KLHL14: variants seen among roughly 807,000 people sequenced by gnomAD.
KLHL14 encodes kelch like family member 14.
A neutral mutation model predicts 64.3 loss-of-function variants in KLHL14; 22 were observed. The observed-to-expected ratio is 0.34, with a 90% CI of 0.24 to 0.49. KLHL14 has a LOEUF of 0.49. Ranked by LOEUF, KLHL14 falls within the 20% of genes least tolerant of loss-of-function variation. The probability of loss-of-function intolerance (pLI) is 0.99; values close to 1 mark genes in which losing one functional copy is unlikely to be tolerated. For missense variants in KLHL14, 661 were observed against 789.0 expected (o/e 0.84, Z 1.94); for synonymous variants, 322 against 333.4 (o/e 0.97, Z 0.37).
chr18:32,750,609 G>A (rs568054975), intron 2 of KLHL14, among the ~76,000 whole-genome samples: 43 of 152,178 alleles, frequency 2.8e-4, no homozygotes, highest in African/African-American at 9.2e-4. Flanking sequence ...ACTTCTCTTC[G>A]CTGCCAGCTG....
At chr18:32,706,365 G>C (rs2049990298) in intron 3 of KLHL14, among the ~76,000 whole-genome samples, 1 of 152,212 alleles carries the variant, frequency 6.6e-6, no homozygotes. Flanking sequence ...AATCTTGATT[G>C]CTGGGAAAAG....
chr18:32,736,507 G>C (rs1359773852), intron 3 of KLHL14, among the ~76,000 whole-genome samples: 1 of 152,048 alleles, frequency 6.6e-6, no homozygotes, highest in Non-Finnish European at 1.5e-5. Flanking sequence ...ATAATATTTA[G>C]ATCCCTGTTT....
intron 3 of KLHL14, among the ~76,000 whole-genome samples, chr18:32,721,805 C>T (rs8099133): frequency 0.29 from 44,812 of 152,006 alleles, 6,868 homozygotes; most frequent in African/African-American, 0.37. Flanking sequence ...ATAGTGAACC[C>T]GCCTACCTGA....
chr18:32,703,117 AC>A (rs1464298020), intron 3 of KLHL14, among the ~76,000 whole-genome samples: 1 of 151,930 alleles, frequency 6.6e-6, no homozygotes, highest in Non-Finnish European at 1.5e-5. Context: ...TTGGCTTGTC[AC>A]CCCCAAAAGA....
intron 3 of KLHL14, among the ~76,000 whole-genome samples, chr18:32,707,721 T>C (rs1165189530): frequency 6.6e-6 from 1 of 152,232 alleles, no homozygotes; most frequent in Non-Finnish European, 1.5e-5. Context: ...TGGAAATGAA[T>C]GTGTCCCATG....
intron 2 of KLHL14, among the ~76,000 whole-genome samples, chr18:32,760,530 A>G (rs1402875839): frequency 6.6e-6 from 1 of 152,152 alleles, no homozygotes; most frequent in Non-Finnish European, 1.5e-5. Context: ...TAAGGCAGGG[A>G]AGTGAAACCG....
intron 2 of KLHL14, among the ~76,000 whole-genome samples, chr18:32,756,576 G>A (rs1171733616): frequency 6.6e-6 from 1 of 152,160 alleles, no homozygotes; most frequent in Non-Finnish European, 1.5e-5. Context: ...CTGCACAAGA[G>A]GTGTCCCTTT....
chr18:32,763,985 C>T (rs1281146438), intron 2 of KLHL14, among the ~76,000 whole-genome samples: 1 of 152,174 alleles, frequency 6.6e-6, no homozygotes, highest in Non-Finnish European at 1.5e-5. Flanking sequence ...GATCTATACT[C>T]AATCCAGTTG....
rs539916617 is a variant in KLHL14 at position 32,673,957 on chromosome 18, A to C, written c.*700T>G. On this transcript the variant is annotated 3_prime_UTR_variant, in exon 9 of 9. Coordinates refer to ENST00000359358, the MANE Select transcript of KLHL14 (RefSeq NM_020805.3). ...ATAATATATTTTGTTTTAATCTTTC[A>C]GATAAAATTGAGGACACAGAAATGA... is the stretch of plus-strand genomic sequence containing the variant. The C allele has an allele frequency of 2.6e-4, 39 of 152,314 alleles. No homozygotes were observed. The highest frequency in any genetic ancestry group is 9.1e-4 in the African/African-American group (38 of 41,562). 9.4% of individuals were successfully genotyped at this position (152,314 alleles called of 1,614,324 possible).
intron 2 of KLHL14, among the ~76,000 whole-genome samples, chr18:32,747,255 A>G (rs1209982069): frequency 2.6e-5 from 4 of 152,178 alleles, no homozygotes; most frequent in Admixed American, 1.3e-4. Context: ...TCCATGGACC[A>G]GAGGGATGGT....
At chr18:32,699,855 C>T (rs2049955687) in intron 3 of KLHL14, among the ~76,000 whole-genome samples, 1 of 151,682 alleles carries the variant, frequency 6.6e-6, no homozygotes, top group East Asian at 1.9e-4. Context: ...AAGCAGAGTA[C>T]ATTTGTTTTA....
chr18:32,746,591 C>T (rs1256664469), intron 2 of KLHL14, among the ~76,000 whole-genome samples: 1 of 152,176 alleles, frequency 6.6e-6, no homozygotes, highest in East Asian at 1.9e-4. Flanking sequence ...TTCCATGATA[C>T]ATGAGAAAAG....
intron 2 of KLHL14, among the ~76,000 whole-genome samples, chr18:32,752,037 G>A (rs1045204291): frequency 1.3e-5 from 2 of 152,166 alleles, no homozygotes; most frequent in African/African-American, 2.4e-5. Flanking sequence ...TGAGGCGGGA[G>A]AATCACTTGA....
intron 2 of KLHL14, 130 bp from the exon 3 acceptor site, chr18:32,742,179 C>A: frequency 9.2e-7 from 1 of 1,082,288 alleles, no homozygotes; most frequent in Non-Finnish European, 1.3e-6. Context: ...CTGTTTCTTC[C>A]CCCATTCATG....
At chr18:32,705,486 G>A (rs1417525509) in intron 3 of KLHL14, among the ~76,000 whole-genome samples, 1 of 152,230 alleles carries the variant, frequency 6.6e-6, no homozygotes, top group African/African-American at 2.4e-5. Flanking sequence ...ACTTTGGGAG[G>A]CCTAGGCAGG....
intron 3 of KLHL14, among the ~76,000 whole-genome samples, chr18:32,696,325 T>C (rs2049936558): frequency 6.6e-6 from 1 of 152,190 alleles, no homozygotes; most frequent in Admixed American, 6.5e-5. Flanking sequence ...TCTCTGTATT[T>C]GTTCTGATTT....
chr18:32,698,764 A>G (rs1355912507), intron 3 of KLHL14, among the ~76,000 whole-genome samples: 2 of 152,228 alleles, frequency 1.3e-5, no homozygotes, highest in East Asian at 3.9e-4. Context: ...AGAAGAAAAA[A>G]CTTTTCATCA....
intron 2 of KLHL14, among the ~76,000 whole-genome samples, chr18:32,748,466 T>C (rs1246251286): frequency 6.6e-6 from 1 of 151,904 alleles, no homozygotes; most frequent in East Asian, 1.9e-4. Flanking sequence ...GCCTCCCGGG[T>C]TCACGCCATT....
At chr18:32,763,817 C>T (rs2050326898) in intron 2 of KLHL14, among the ~76,000 whole-genome samples, 1 of 152,182 alleles carries the variant, frequency 6.6e-6, no homozygotes. Flanking sequence ...ACAACGAACT[C>T]ACATTTTTGG....
Sources: allele counts gnomAD v4.1 joint callset (sites outside exome capture counted in the v4.1 genomes callset), GRCh38; gene constraint gnomAD v4.1.1; transcripts MANE v1.5; gene names NCBI Gene and HGNC (gene_info 2026-07-23, HGNC 2026-07-21).